Variants in ADGRD2 observed in about 807,000 individuals in gnomAD.
ADGRD2 encodes the protein G protein-coupled receptor PGR24.
A neutral mutation model predicts 44.4 loss-of-function variants in ADGRD2; 71 were observed. The ratio of observed to expected loss-of-function variants is 1.60; its 90% CI spans 1.32 to 1.95. The LOEUF (loss-of-function observed/expected upper bound fraction) is 1.95, where lower values mean the gene tolerates loss of function less well. ADGRD2 is among the 30% of genes most tolerant of loss of function. ADGRD2 has a pLI of 0.00. For synonymous variants in ADGRD2, 481 were observed against 224.8 expected, an observed-to-expected ratio of 2.14 and a Z score of -10.19; for missense variants, 1,039 against 512.4, an observed-to-expected ratio of 2.03 and a Z score of -9.92.
At chr9:124,462,264 T>C (rs1478070623) in intron 10 of ADGRD2, among the ~76,000 whole-genome samples, 1 of 151,700 alleles carries the variant, frequency 6.6e-6, no homozygotes, top group Non-Finnish European at 1.5e-5. Flanking sequence ...AGACAGGATT[T>C]TTCCATGTTG....
At chr9:124,467,794 C>T (rs1487198241) in exon 12 of ADGRD2, 1 of 718,420 alleles carries the variant, frequency 1.4e-6, no homozygotes, top group Non-Finnish European at 2.6e-6. Flanking sequence ...TGCGCCCTCA[C>T]CACCACCTTC....
chr9:124,472,732 T>A (rs962318917), intron 17 of ADGRD2, among the ~76,000 whole-genome samples: 2 of 152,206 alleles, frequency 1.3e-5, no homozygotes, highest in Middle Eastern at 6.3e-3. Flanking sequence ...GGTCTTGAAC[T>A]CCTAACCTCA....
intron 10 of ADGRD2, among the ~76,000 whole-genome samples, chr9:124,459,162 A>G (rs753190053): frequency 3.9e-5 from 6 of 152,214 alleles, no homozygotes; most frequent in Non-Finnish European, 7.3e-5. Context: ...TACAAATAAA[A>G]ATAACCTAAA....
chr9:124,472,456 GTTTTTTGTTTGTTT>G (rs1034439597), intron 17 of ADGRD2, among the ~76,000 whole-genome samples: 4 of 21,632 alleles, frequency 1.8e-4, no homozygotes, highest in African/African-American at 1.2e-3. Flanking sequence ...TTGTTTGTTT[GTTTTTTGTTTGTTT>G]TTTGTTTTTG....
intron 17 of ADGRD2, 79 bp downstream of exon 20, chr9:124,470,693 C>T: frequency 1.6e-6 from 1 of 632,330 alleles, no homozygotes; most frequent in East Asian, 2.8e-5. Context: ...GTGTCAGGGC[C>T]TGGGAGGGTG....
At chr9:124,458,695 A>G in exon 10 of ADGRD2, 1 of 718,484 alleles carries the variant, frequency 1.4e-6, no homozygotes, top group East Asian at 2.7e-5. Context: ...CGTGGCCATG[A>G]CCTTTCATCT....
intron 7 of ADGRD2, among the ~76,000 whole-genome samples, chr9:124,457,106 G>A (rs924524961): frequency 6.6e-6 from 1 of 152,210 alleles, no homozygotes; most frequent in African/African-American, 2.4e-5. Context: ...CTGTTTCTGA[G>A]CCATCTCAGC....
At chr9:124,455,419 T>C (rs934049310) in intron 6 of ADGRD2, among the ~76,000 whole-genome samples, 2 of 152,020 alleles carry the variant, frequency 1.3e-5, no homozygotes, top group Non-Finnish European at 2.9e-5. Context: ...AATGAAACCC[T>C]GTCTCTACTA....
intron 13 of ADGRD2, 148 bp downstream of exon 16, chr9:124,468,338 G>T (rs1014906872): frequency 1.5e-6 from 1 of 674,594 alleles, no homozygotes; most frequent in East Asian, 2.7e-5. Context: ...CAGGGCCCCG[G>T]GAGGAAAGGG....
At chr9:124,452,519 C>G (rs1189912645) in exon 2 of ADGRD2, 21 of 718,560 alleles carry the variant, frequency 2.9e-5, no homozygotes, top group South Asian at 2.8e-4. Context: ...GCCCCCGTGG[C>G]CGCCGGCGAG....
chr9:124,456,413 T>C (rs1831617411), intron 6 of ADGRD2, among the ~76,000 whole-genome samples: 2 of 152,072 alleles, frequency 1.3e-5, no homozygotes, highest in East Asian at 1.9e-4. Flanking sequence ...GGAGATAGAA[T>C]TGGATAGGTC....
At chr9:124,467,450 C>T (rs189600882) in intron 11 of ADGRD2, 9 of 458,806 alleles carry the variant, frequency 2.0e-5, no homozygotes, top group African/African-American at 3.9e-5. Flanking sequence ...GATCCCTCCC[C>T]GTGGGCACGT....
chr9:124,452,327 C>T, intron 1 of ADGRD2, 173 bp downstream of exon 4: 2 of 640,120 alleles, frequency 3.1e-6, no homozygotes, highest in East Asian at 2.7e-5. Flanking sequence ...CTCATTCCTG[C>T]CATTGCGCAG....
intron 17 of ADGRD2, among the ~76,000 whole-genome samples, chr9:124,474,952 A>G (rs1037033200): frequency 1.3e-5 from 2 of 152,200 alleles, no homozygotes; most frequent in African/African-American, 4.8e-5. Flanking sequence ...CCATCCCCTC[A>G]GAACCCAAGT....
At chr9:124,477,559 C>T (rs1832072038) in intron 21 of ADGRD2, among the ~76,000 whole-genome samples, 3 of 152,350 alleles carry the variant, frequency 2.0e-5, no homozygotes, top group African/African-American at 7.2e-5. Context: ...CTAGCCAGAG[C>T]CCGCACAGAG....
chr9:124,454,687 A>AT lies in ADGRD2; in HGVS notation c.1108+120dup. ...TGGTGTGTCTGCAGGAATAAAGGCC[A>AT]TTCAGGCTCCCTATTCTGTAGCCCC... On this transcript the variant is annotated intron_variant, in intron 5 of 21. Transcript: ENST00000334810. The surrounding 1 kb of genome is among the most constrained non-coding windows in gnomAD (Gnocchi z 4.5). The AT allele has an allele frequency of 3.1e-6, 2 of 643,534 alleles. No homozygotes were observed. The highest frequency in any genetic ancestry group is 5.7e-6 in the Non-Finnish European group (2 of 349,490). 39.9% of individuals were successfully genotyped at this position (643,534 alleles called of 1,614,324 possible).
At position 124,469,486 on chromosome 9, in the gene ADGRD2, C is replaced by T. The variant is rs76434769; in HGVS notation, c.2578C>T (p.Arg860Cys). 7.5e-3 allele frequency: 5,412 copies of T among 718,116 alleles called. 220 individuals carry two copies. The African/African-American group carries it at 0.084, about 11-fold the overall frequency. The allele number at this position is 718,116 out of a possible 1,614,324, so 44.5% of individuals were successfully genotyped here. ...AATGATCACCGTGTCCAGTGCCCGC[C>T]GCCGTGCCCGCATGTTGAGCCCACA... The change falls in exon 16 of 22, where the codon CGC becomes TGC. Residue 860 changes from arginine to cysteine, a missense_variant. Physicochemically the swap from Arg to Cys is radical, Grantham distance 180. Coordinates refer to ENST00000334810, the Ensembl canonical transcript of ADGRD2.
chr9:124,453,081 C>T (rs1253004520), exon 3 of ADGRD2: 17 of 684,762 alleles, frequency 2.5e-5, no homozygotes, highest in Non-Finnish European at 4.2e-5. Context: ...GGACGGCTGA[C>T]CGGGCGGCGC....
rs115349751 is a variant in ADGRD2, at chr9:124,454,316, G to T, written c.1023-168G>T. 7.9e-3 allele frequency among the ~76,000 whole-genome samples: 1,200 copies of T among 152,302 alleles called. 17 individuals carry two copies. Among genetic ancestry groups the T allele is most frequent in the African/African-American group, 0.028 (1,158 of 41,556 alleles). ...TGGGCAAGCTCTTTTGCCATTCTGT[G>T]CCTCAGTTTCCCCATCTAGAACACC... On this transcript the variant is annotated intron_variant, in intron 4 of 21. Transcript: ENST00000334810. The surrounding 1 kb of genome is among the most constrained non-coding windows in gnomAD (Gnocchi z 4.5).
Sources: gnomAD v4.1 joint callset for allele counts (sites outside exome capture counted in the v4.1 genomes callset) on GRCh38, gnomAD v4.1.1 for gene constraint, Gnocchi (gnomAD v3.1) non-coding constraint, MANE v1.5 for transcripts, NCBI Gene and HGNC (gene_info 2026-07-23, HGNC 2026-07-21) for gene names.